Variants in MED23 observed in about 807,000 individuals in gnomAD.
MED23 encodes mediator of RNA polymerase II transcription subunit 23.
In MED23, 105 loss-of-function variants were observed where a neutral mutation model predicts 163.9. The observed-to-expected ratio is 0.64, with a 90% confidence interval of 0.55 to 0.75. The LOEUF (loss-of-function observed/expected upper bound fraction) is 0.75, where lower values mean the gene tolerates loss of function less well. Ranked by LOEUF, MED23 falls within the 30% of genes least tolerant of loss-of-function variation. MED23 has a pLI of 0.00. For synonymous variants in MED23, 561 were observed against 565.6 expected (o/e 0.99, Z 0.12); for missense variants, 1,054 against 1,649.0 (o/e 0.64, Z 6.25).
At chr6:131,609,919 C>G (rs1414445211) in intron 11 of MED23, 127 bp downstream of exon 11, 6 of 872,456 alleles carry the variant, frequency 6.9e-6, no homozygotes, top group Non-Finnish European at 9.3e-6. Flanking sequence ...TATAAAAGCA[C>G]TAAACAGGAC....
chr6:131,595,310 C>T (rs1243765952), intron 22 of MED23, among the ~76,000 whole-genome samples: 2 of 152,234 alleles, frequency 1.3e-5, no homozygotes, highest in African/African-American at 4.8e-5. Context: ...ACCACTGTTG[C>T]TTAGATACTA....
chr6:131,622,986 C>T (rs1164373393), intron 5 of MED23, among the ~76,000 whole-genome samples: 4 of 152,162 alleles, frequency 2.6e-5, no homozygotes, highest in Non-Finnish European at 4.4e-5. Flanking sequence ...GAAGTGAAGC[C>T]AGGTCTTGCT....
intron 20 of MED23, among the ~76,000 whole-genome samples, chr6:131,597,247 C>A (rs994389110): frequency 6.6e-6 from 1 of 151,788 alleles, no homozygotes; most frequent in African/African-American, 2.4e-5. Context: ...GAGGCCGAGG[C>A]GGGCAGAACA....
At chr6:131,611,714 A>T (rs1040967649) in intron 10 of MED23, among the ~76,000 whole-genome samples, 2 of 152,122 alleles carry the variant, frequency 1.3e-5, no homozygotes, top group African/African-American at 4.8e-5. Context: ...TTGTGAAAAG[A>T]AGTAAAGCCA....
intron 18 of MED23, 22 bp downstream of exon 18, chr6:131,600,016 A>C (rs1157991150): frequency 6.2e-7 from 1 of 1,613,444 alleles, no homozygotes; most frequent in Non-Finnish European, 8.5e-7. Flanking sequence ...TGCATTCAAT[A>C]AGTAATTCAA....
At position 131,586,755 on chromosome 6, in the gene MED23, T is replaced by C; in HGVS notation, c.*924A>G. 6.8e-7 allele frequency: 1 copy of C among 1,465,144 alleles called. No homozygotes were observed. Among genetic ancestry groups the C allele is most frequent in the Non-Finnish European group, 9.1e-7 (1 of 1,095,314 alleles). The allele number at this position is 1,465,144 out of a possible 1,614,324, so 90.8% of individuals were successfully genotyped here. On this transcript the variant is annotated 3_prime_UTR_variant, in exon 29 of 29. Coordinates refer to ENST00000368068, the MANE Select transcript of MED23 (RefSeq NM_004830.4). ...AGTCGGGAAACAATCACACGGTTTA[T>C]TCATTCAGCAGACTTTACTCATTAG...
At chr6:131,591,677 T>C in intron 25 of MED23, 150 bp from the exon 26 acceptor site, 1 of 670,014 alleles carries the variant, frequency 1.5e-6, no homozygotes, top group South Asian at 1.7e-5. Context: ...ACTGGTCAAA[T>C]TAAGTCAGTA....
intron 11 of MED23, among the ~76,000 whole-genome samples, chr6:131,609,554 C>T (rs1483990432): frequency 8.5e-5 from 12 of 140,832 alleles, no homozygotes; most frequent in African/African-American, 3.0e-4. Flanking sequence ...GCTCTGTCGC[C>T]GAGGCTGGAG....
At chr6:131,623,530 T>C (rs1777265222) in intron 4 of MED23, 68 bp from the exon 5 acceptor site, 2 of 1,248,352 alleles carry the variant, frequency 1.6e-6, no homozygotes, top group East Asian at 2.3e-5. Context: ...TAGCCGCCAA[T>C]ATGGTTTGGC....
intron 3 of MED23, chr6:131,627,156 G>GT (rs1406002221): frequency 0.053 from 20,412 of 386,058 alleles, 143 homozygotes; most frequent in African/African-American, 0.086. Context: ...CATAGGGGAG[G>GT]TTTTTTTTTT....
chr6:131,590,427 T>G lies in MED23; in HGVS notation c.3702A>C (p.Val1234=). 5.0e-6 allele frequency: 8 copies of G among 1,603,956 alleles called. No homozygotes were observed. Among genetic ancestry groups the G allele is most frequent in the Non-Finnish European group, 6.8e-6 (8 of 1,171,312 alleles). The change falls in exon 27 of 29, where the codon GTA becomes GTC. Residue 1234 remains valine (V), a synonymous_variant. Coordinates refer to ENST00000368068, the MANE Select transcript of MED23 (RefSeq NM_004830.4). ...ATTCGGTCTTCACTATAGGAAGAAGTACTTCAGTAAGAAACCTAAAATTTG... is the reference window on the plus strand; with the variant it reads ...ATTCGGTCTTCACTATAGGAAGAAGGACTTCAGTAAGAAACCTAAAATTTG... ...LSLIPKFLTE[V]LLPIVKTEFQ...
intron 5 of MED23, among the ~76,000 whole-genome samples, chr6:131,622,705 A>C (rs552502068): frequency 1.3e-4 from 20 of 152,354 alleles, no homozygotes; most frequent in African/African-American, 4.8e-4. Context: ...ACTGTGTGAT[A>C]AATCATGATT....
At position 131,592,885 on chromosome 6, in the gene MED23, A is replaced by AC. The variant is rs1239465846; in HGVS notation, c.3398+120dup. 1.8e-4 allele frequency: 203 copies of AC among 1,151,532 alleles called. No homozygotes were observed. In the Middle Eastern group the frequency reaches 2.4e-3, roughly 14 times the overall value. The allele number at this position is 1,151,532 out of a possible 1,614,324, so 71.3% of individuals were successfully genotyped here. ...CAAAGACAAGATCTGGAACCAGAAA[A>AC]CAGTCATCATCCAATGTGCATCAGC... On this transcript the variant is annotated intron_variant, in intron 24 of 28. Coordinates refer to ENST00000368068, the MANE Select transcript of MED23 (RefSeq NM_004830.4).
At chr6:131,606,400 A>G (rs976832958) in intron 13 of MED23, 79 bp downstream of exon 13, 119 of 1,502,750 alleles carry the variant, frequency 7.9e-5, no homozygotes, top group Non-Finnish European at 1.0e-4. Flanking sequence ...AATTTCACAC[A>G]AACACCGAGA....
rs1585485825 is a variant in MED23 at position 131,598,109 on chromosome 6, A to G, written c.2607+178T>C. 1.4e-6 allele frequency: 1 copy of G among 712,164 alleles called. No homozygotes were observed. The highest frequency in any genetic ancestry group is 2.7e-5 in the East Asian group (1 of 37,064). The allele number at this position is 712,164 out of a possible 1,614,324, so 44.1% of individuals were successfully genotyped here. Reference sequence around the variant, plus strand: ...TGTCTCAAAAAACAAACAAAAAAACAAAAACAAACAAAAACAGAAATTGGA... The same window carrying G: ...TGTCTCAAAAAACAAACAAAAAAACGAAAACAAACAAAAACAGAAATTGGA... On this transcript the variant is annotated intron_variant, in intron 20 of 28. Coordinates refer to ENST00000368068, the MANE Select transcript of MED23 (RefSeq NM_004830.4). The surrounding 1 kb of genome is among the most constrained non-coding windows in gnomAD (Gnocchi z 4.7).
At chr6:131,583,748 T>C, downstream of MED23, 1 of 1,613,854 alleles carries the variant, frequency 6.2e-7, no homozygotes, top group South Asian at 1.1e-5. Context: ...GTAGGGCTAC[T>C]CTCAGGATTA....
rs1776170407 is a variant in MED23 at position 131,610,139 on chromosome 6, T to C, written c.984A>G (p.Gln328=). The C allele has an allele frequency of 1.2e-6, 2 of 1,613,606 alleles. No individual in the cohort carries two copies. Among genetic ancestry groups the C allele is most frequent in the African/African-American group, 1.3e-5 (1 of 74,768 alleles). The change falls in exon 11 of 29, where the codon CAA becomes CAG. Residue 328 remains glutamine, a synonymous_variant. Coordinates refer to ENST00000368068, the MANE Select transcript of MED23 (RefSeq NM_004830.4). ...EEKFDDGGTS[Q]LLWQHLSSQL... ...GACTTGAGAGATGCTGCCACAGGAGTTGGCTTGTTCCCCCATCGTCAAACT... is the reference window on the plus strand; with the variant it reads ...GACTTGAGAGATGCTGCCACAGGAGCTGGCTTGTTCCCCCATCGTCAAACT...
intron 30 of MED23, among the ~76,000 whole-genome samples, chr6:131,578,205 C>G (rs200016767): frequency 1.4e-5 from 2 of 138,992 alleles, no homozygotes; most frequent in African/African-American, 2.7e-5. Context: ...AAAAAAAAGA[C>G]AAATACAGAC....
In MED23 at chr6:131,627,394, A is replaced by T; in HGVS notation, c.159+2T>A. On this transcript the variant is annotated splice_donor_variant, in intron 3 of 28. Transcript: ENST00000368068. LOFTEE classifies it high-confidence loss of function. ...TGAATGTATTAAAAATGAAGCGCTC[A>T]CCTGAGAAAGACCACCCCAAAACTG... 1 of 1,612,534 alleles carries T rather than the reference A, an allele frequency of 6.2e-7. No homozygotes were observed. The highest frequency in any genetic ancestry group is 8.5e-7 in the Non-Finnish European group (1 of 1,179,192).
Sources: gnomAD v4.1 joint callset for allele counts (sites outside exome capture counted in the v4.1 genomes callset) on GRCh38, gnomAD v4.1.1 for gene constraint, Gnocchi (gnomAD v3.1) non-coding constraint, MANE v1.5 for transcripts, NCBI Gene and HGNC (gene_info 2026-07-23, HGNC 2026-07-21) for gene names.